Variants in TAS1R3 observed in about 807,000 individuals in gnomAD.
The protein encoded by TAS1R3 is taste 1 receptor member 3, also known as taste receptor type 1 member 3.
A neutral mutation model predicts 46.1 loss-of-function variants in TAS1R3; 58 were observed. The ratio of observed to expected loss-of-function variants is 1.26; its 90% CI spans 1.02 to 1.57. TAS1R3 has a LOEUF of 1.57. Among genes scored for constraint, TAS1R3 ranks in the 40% most tolerant of loss-of-function variants. The probability of loss-of-function intolerance (pLI) is 0.00; values close to 1 mark genes in which losing one functional copy is unlikely to be tolerated. For synonymous variants in TAS1R3, 724 were observed against 544.7 expected (o/e 1.33, Z -4.58); for missense variants, 1,422 against 1,185.8 (o/e 1.20, Z -2.93).
intron 4 of TAS1R3, 59 bp downstream of exon 4, chr1:1,333,183 C>G: frequency 6.3e-7 from 1 of 1,591,612 alleles, no homozygotes; most frequent in Non-Finnish European, 8.5e-7. Flanking sequence ...CAGGGCGCAG[C>G]CTGGGGGTGG....
At position 1,331,531 on chromosome 1, in the gene TAS1R3, C is replaced by T. The variant is rs1321040396; in HGVS notation, c.186C>T (p.Cys62=). ...GGACACGGCCCAGCAGCCCTGTGTGCACCAGGTACAGAGGTGGGACGGCCT... is the reference window on the plus strand; with the variant it reads ...GGACACGGCCCAGCAGCCCTGTGTGTACCAGGTACAGAGGTGGGACGGCCT... ...RSRTRPSSPV[C]TRFSSNGLLW... is the part of the protein sequence containing the mutation. The change falls in exon 1 of 6, where the codon TGC becomes TGT. Residue 62 remains cysteine (C), a synonymous_variant. Coordinates refer to ENST00000339381, the MANE Select transcript of TAS1R3 (RefSeq NM_152228.3). 5.0e-6 allele frequency: 8 copies of T among 1,598,986 alleles called. No homozygotes were observed. The highest frequency in any genetic ancestry group is 3.5e-5 in the Admixed American group (2 of 57,430).
In TAS1R3 at chr1:1,332,756, C is replaced by T; in HGVS notation, c.1225C>T (p.Gln409Ter). 6.2e-7 allele frequency: 1 copy of T among 1,605,792 alleles called. No individual in the cohort carries two copies. The highest frequency in any genetic ancestry group is 8.5e-7 in the Non-Finnish European group (1 of 1,179,814). The change falls in exon 3 of 6, where the codon CAG becomes TAG. Residue 409 changes from glutamine to a stop codon, truncating the protein, a stop_gained. Coordinates refer to ENST00000339381, the MANE Select transcript of TAS1R3 (RefSeq NM_152228.3). LOFTEE classifies it high-confidence loss of function. ...GGCCCAGGCCCTGCACAACACTCTT[C>T]AGTGCAACGCCTCAGGCTGCCCCGC... ...SVAQALHNTLQCNASGCPAQD... is the reference protein window; with the variant it reads ...SVAQALHNTL
chr1:1,334,086 G>C lies in TAS1R3; in HGVS notation c.2181G>C (p.Trp727Cys). 2 of 1,591,634 alleles carry C rather than the reference G, an allele frequency of 1.3e-6. No homozygotes were observed. Among genetic ancestry groups the C allele is most frequent in the Non-Finnish European group, 1.7e-6 (2 of 1,171,034 alleles). ...TGGTGCACTGCCGCACACGCTCCTG[G>C]GTCAGCTTCGGCCTAGCGCACGCCA... ...EALVHCRTRS[W>C]VSFGLAHATN... The change falls in exon 6 of 6, where the codon TGG becomes TGC. Residue 727 changes from tryptophan (W) to cysteine (C), a missense_variant. By Grantham distance (215) the Trp-to-Cys change is radical. Transcript: ENST00000339381.
At position 1,333,682 on chromosome 1, in the gene TAS1R3, C is replaced by A; in HGVS notation, c.1777C>A (p.His593Asn). The change falls in exon 6 of 6, where the codon CAT (histidine) becomes AAT (asparagine). Residue 593 changes from histidine (H) to asparagine (N), a missense_variant. Coordinates refer to ENST00000339381, the MANE Select transcript of TAS1R3 (RefSeq NM_152228.3). The stretch of plus-strand genomic sequence containing the variant: ...GGCTGCTTTGGGGCTGTTCGTTCAC[C>A]ATCGGGACAGCCCACTGGTTCAGGC... Reference protein sequence around the residue: ...VLAALGLFVHHRDSPLVQASG... With the variant: ...VLAALGLFVHNRDSPLVQASG... The A allele has an allele frequency of 6.2e-7, 1 of 1,611,888 alleles. No homozygotes were observed. Among genetic ancestry groups the A allele is most frequent in the Non-Finnish European group, 8.5e-7 (1 of 1,179,844 alleles).
At position 1,334,018 on chromosome 1, in the gene TAS1R3, C is replaced by G. The variant is rs1643496321; in HGVS notation, c.2113C>G (p.Pro705Ala). 1 of 1,601,210 alleles carries G rather than the reference C, an allele frequency of 6.2e-7. No homozygotes were observed. Among genetic ancestry groups the G allele is most frequent in the Non-Finnish European group, 8.5e-7 (1 of 1,179,720 alleles). The part of the protein sequence containing the change: ...LCTWYLVAFP[P>A]EVVTDWHMLP... ...CACCTGGTACCTGGTGGCCTTCCCG[C>G]CGGAGGTGGTGACGGACTGGCACAT... Residue 705 changes from proline (P) to alanine (A), a missense_variant, in exon 6 of 6, where the codon CCG becomes GCG. Physicochemically the swap from Pro to Ala is conservative, Grantham distance 27. Coordinates refer to ENST00000339381, the MANE Select transcript of TAS1R3 (RefSeq NM_152228.3).
chr1:1,334,581 T>C lies in TAS1R3; in HGVS notation c.*117T>C. 8.2e-7 allele frequency: 1 copy of C among 1,220,600 alleles called. No individual in the cohort carries two copies. The highest frequency in any genetic ancestry group is 1.6e-5 in the South Asian group (1 of 62,930). 75.6% of individuals were successfully genotyped at this position (1,220,600 alleles called of 1,614,324 possible). On this transcript the variant is annotated 3_prime_UTR_variant, in exon 6 of 6. Transcript: ENST00000339381. ...CCCGCTCTAGGTTCTGACCCCAGGT[T>C]GTCTCCTGACCCTGACCCCACAGTG...
In TAS1R3 at chr1:1,331,799, C is replaced by A. The variant is rs1212874405; in HGVS notation, c.353C>A (p.Ala118Asp). Residue 118 changes from alanine to aspartate, a missense_variant, in exon 2 of 6, where the codon GCC becomes GAC. By Grantham distance (126) the Ala-to-Asp change is moderately radical. Transcript: ENST00000339381. ...ATGAAGCCCAGCCTCATGTTCCTGG[C>A]CAAGGCAGGCAGCCGCGACATCGCC... ...VAMKPSLMFL[A>D]KAGSRDIAAY... 1 of 1,612,860 alleles carries A rather than the reference C, an allele frequency of 6.2e-7. No homozygotes were observed. The highest frequency in any genetic ancestry group is 8.5e-7 in the Non-Finnish European group (1 of 1,180,024).
Position 1,331,322 on chromosome 1 carries a change from T to C in TAS1R3, c.-24T>C. The C allele has an allele frequency of 1.3e-6, 2 of 1,548,588 alleles. No individual in the cohort carries two copies. Among genetic ancestry groups the C allele is most frequent in the Admixed American group, 2.1e-5 (1 of 47,662 alleles). ...CCCCAGTCGGGGCAGCCACCTGCCG[T>C]GCCTGTTGGAAGTTGCCTCTGCCAT... On this transcript the variant is annotated 5_prime_UTR_variant, in exon 1 of 6. Transcript: ENST00000339381.
rs755889188 is a variant in TAS1R3 at position 1,332,223 on chromosome 1, C to T, written c.692C>T (p.Ala231Val). The change falls in exon 3 of 6, where the codon GCG (alanine) becomes GTG (valine). Residue 231 changes from alanine to valine, a missense_variant. Ala to Val is a moderately conservative substitution (Grantham distance 64). Coordinates refer to ENST00000339381, the MANE Select transcript of TAS1R3 (RefSeq NM_152228.3). ...CTGAGCATCTTCTCGGCCCTGGCCG[C>T]GGCACGCGGCATCTGCATCGCGCAC... is the stretch of plus-strand genomic sequence containing the variant. ...QGLSIFSALAAARGICIAHEG... is the reference protein window; with the variant it reads ...QGLSIFSALAVARGICIAHEG... 3.8e-5 allele frequency: 60 copies of T among 1,592,184 alleles called. No homozygotes were observed. The highest frequency in any genetic ancestry group is 4.5e-5 in the Non-Finnish European group (53 of 1,175,384).
chr1:1,332,707 T>C lies in TAS1R3; in HGVS notation c.1176T>C (p.Ser392=), dbSNP rs762873727. 1.2e-5 allele frequency: 20 copies of C among 1,604,174 alleles called. No individual in the cohort carries two copies. Among genetic ancestry groups the C allele is most frequent in the Non-Finnish European group, 1.5e-5 (18 of 1,179,838 alleles). ...GGCTAAATCACCACCAGACGTTCTC[T>C]GTCTACGCAGCTGTGTATAGCGTGG... ...SAGLNHHQTF[S]VYAAVYSVAQ... The change falls in exon 3 of 6, where the codon TCT becomes TCC. Residue 392 remains serine, a synonymous_variant. Transcript: ENST00000339381.
rs765156860 is a variant in TAS1R3, at chr1:1,331,383, C to G, written c.38C>G (p.Ala13Gly). The G allele has an allele frequency of 1.9e-6, 3 of 1,600,806 alleles. No homozygotes were observed. Among genetic ancestry groups the G allele is most frequent in the Middle Eastern group, 1.7e-4 (1 of 6,036 alleles). Reference sequence around the variant, plus strand: ...GCTGTCCTGGGCCTCAGCCTCTGGGCTCTCCTGCACCCTGGGACGGGGGCC... The same window carrying G: ...GCTGTCCTGGGCCTCAGCCTCTGGGGTCTCCTGCACCCTGGGACGGGGGCC... ...GPAVLGLSLW[A>G]LLHPGTGAPL... The change falls in exon 1 of 6, where the codon GCT (alanine) becomes GGT (glycine). Residue 13 changes from alanine (A) to glycine (G), a missense_variant. Coordinates refer to ENST00000339381, the MANE Select transcript of TAS1R3 (RefSeq NM_152228.3).
At position 1,332,159 on chromosome 1, in the gene TAS1R3, G is replaced by A. The variant is rs200097416; in HGVS notation, c.628G>A (p.Ala210Thr). The A allele has an allele frequency of 2.1e-4, 340 of 1,598,092 alleles. 2 individuals carry two copies. In the African/African-American group the frequency reaches 4.0e-3, roughly 19 times the overall value. The change falls in exon 3 of 6, where the codon GCC becomes ACC. Residue 210 changes from alanine to threonine, a missense_variant. Coordinates refer to ENST00000339381, the MANE Select transcript of TAS1R3 (RefSeq NM_152228.3). ...GCAGGAGTTCGGCTGGAACTGGGTG[G>A]CCGCCCTGGGCAGCGACGACGAGTA... is the stretch of plus-strand genomic sequence containing the variant. The part of the protein sequence containing the change: ...LLQEFGWNWV[A>T]ALGSDDEYGR...
chr1:1,331,683 C>T lies in TAS1R3; in HGVS notation c.237C>T (p.Ala79=), dbSNP rs200091898. 110 of 1,612,844 alleles carry T rather than the reference C, an allele frequency of 6.8e-5. No homozygotes were observed. The East Asian group carries it at 1.8e-3, about 27-fold the overall frequency. The part of the protein sequence containing the change: ...GLLWALAMKM[A]VEEINNKSDL... ...TCTGGGCACTGGCCATGAAAATGGC[C>T]GTGGAGGAGATCAACAACAAGTCGG... is the stretch of plus-strand genomic sequence containing the variant. The change falls in exon 2 of 6, where the codon GCC becomes GCT. Residue 79 remains alanine (A), a synonymous_variant. Coordinates refer to ENST00000339381, the MANE Select transcript of TAS1R3 (RefSeq NM_152228.3).
Position 1,334,687 on chromosome 1 carries a change from C to A in TAS1R3, c.*223C>A. On this transcript the variant is annotated 3_prime_UTR_variant, in exon 6 of 6. Coordinates refer to ENST00000339381, the MANE Select transcript of TAS1R3 (RefSeq NM_152228.3). ...AGCTGTGTCCCTGTCCCTCTGTGCC[C>A]AGACCAGGCCTGCCCAGGTAACCCA... is the stretch of plus-strand genomic sequence containing the variant. 1.8e-6 allele frequency: 1 copy of A among 554,574 alleles called. No individual in the cohort carries two copies. The highest frequency in any genetic ancestry group is 3.1e-6 in the Non-Finnish European group (1 of 320,410). The allele number at this position is 554,574 out of a possible 1,614,324, so 34.4% of individuals were successfully genotyped here.
At position 1,331,501 on chromosome 1, in the gene TAS1R3, C is replaced by T; in HGVS notation, c.156C>T (p.Arg52=). The T allele has an allele frequency of 6.2e-7, 1 of 1,603,668 alleles. No homozygotes were observed. Among genetic ancestry groups the T allele is most frequent in the Non-Finnish European group, 8.5e-7 (1 of 1,175,696 alleles). Residue 52 remains arginine (R), a synonymous_variant, in exon 1 of 6, where the codon CGC becomes CGT. Coordinates refer to ENST00000339381, the MANE Select transcript of TAS1R3 (RefSeq NM_152228.3). ...PLGEAEEAGL[R]SRTRPSSPVC... ...GCGAGGCCGAGGAGGCTGGCCTCCG[C>T]AGCCGGACACGGCCCAGCAGCCCTG...
chr1:1,331,839 C>T lies in TAS1R3; in HGVS notation c.393C>T (p.Tyr131=), dbSNP rs1323268342. Residue 131 remains tyrosine, a synonymous_variant, in exon 2 of 6, where the codon TAC becomes TAT. Coordinates refer to ENST00000339381, the MANE Select transcript of TAS1R3 (RefSeq NM_152228.3). Reference sequence around the variant, plus strand: ...GCGACATCGCCGCCTACTGCAACTACACGCAGTACCAGCCCCGTGTGCTGG... The same window carrying T: ...GCGACATCGCCGCCTACTGCAACTATACGCAGTACCAGCCCCGTGTGCTGG... The part of the protein sequence containing the change: ...GSRDIAAYCN[Y]TQYQPRVLAV... 2.5e-6 allele frequency: 4 copies of T among 1,612,936 alleles called. No homozygotes were observed. The highest frequency in any genetic ancestry group is 1.3e-5 in the African/African-American group (1 of 75,066).
rs2100695675 is a variant in TAS1R3, at chr1:1,334,543, C to T, written c.*79C>T. ...CAAGCCAGCAATGACCCGTGTCTCGCTACAGAGACCCTCCCGCTCTAGGTT... is the reference window on the plus strand; with the variant it reads ...CAAGCCAGCAATGACCCGTGTCTCGTTACAGAGACCCTCCCGCTCTAGGTT... On this transcript the variant is annotated 3_prime_UTR_variant, in exon 6 of 6. Coordinates refer to ENST00000339381, the MANE Select transcript of TAS1R3 (RefSeq NM_152228.3). The T allele has an allele frequency of 1.4e-6, 2 of 1,385,000 alleles. No homozygotes were observed. Among genetic ancestry groups the T allele is most frequent in the East Asian group, 5.0e-5 (2 of 39,810 alleles). The allele number at this position is 1,385,000 out of a possible 1,614,324, so 85.8% of individuals were successfully genotyped here. A position where few individuals can be genotyped will look rare whatever the true frequency, so the allele number is the denominator to read the frequency against.
In TAS1R3 at chr1:1,332,726, A is replaced by T; in HGVS notation, c.1195A>T (p.Ser399Cys). The T allele has an allele frequency of 6.2e-7, 1 of 1,604,400 alleles. No individual in the cohort carries two copies. The highest frequency in any genetic ancestry group is 1.3e-5 in the African/African-American group (1 of 75,058). ...QTFSVYAAVY[S>C]VAQALHNTLQ... Reference sequence around the variant, plus strand: ...GTTCTCTGTCTACGCAGCTGTGTATAGCGTGGCCCAGGCCCTGCACAACAC... The same window carrying T: ...GTTCTCTGTCTACGCAGCTGTGTATTGCGTGGCCCAGGCCCTGCACAACAC... Residue 399 changes from serine (S) to cysteine (C), a missense_variant, in exon 3 of 6, where the codon AGC (serine) becomes TGC (cysteine). By Grantham distance (112) the Ser-to-Cys change is moderately radical. Transcript: ENST00000339381.
At position 1,332,180 on chromosome 1, in the gene TAS1R3, G is replaced by C. The variant is rs780910059; in HGVS notation, c.649G>C (p.Glu217Gln). ...GGTGGCCGCCCTGGGCAGCGACGAC[G>C]AGTACGGCCGGCAGGGCCTGAGCAT... ...NWVAALGSDD[E>Q]YGRQGLSIFS... The change falls in exon 3 of 6, where the codon GAG (glutamate) becomes CAG (glutamine). Residue 217 changes from glutamate to glutamine, a missense_variant. By Grantham distance (29) the Glu-to-Gln change is conservative (BLOSUM62 2). Coordinates refer to ENST00000339381, the MANE Select transcript of TAS1R3 (RefSeq NM_152228.3). 15 of 1,596,484 alleles carry C rather than the reference G, an allele frequency of 9.4e-6. No individual in the cohort carries two copies. The highest frequency in any genetic ancestry group is 1.7e-4 in the Middle Eastern group (1 of 6,052).
Sources: allele counts gnomAD v4.1 joint callset, GRCh38; gene constraint gnomAD v4.1.1; transcripts MANE v1.5; gene names NCBI Gene and HGNC (gene_info 2026-07-23, HGNC 2026-07-21).